Variants in CDH12 observed in about 807,000 individuals in gnomAD.
CDH12 encodes cadherin 12.
Under a neutral mutation model 74.1 loss-of-function variants are expected in CDH12, and 41 were observed. That is an observed-to-expected ratio of 0.55 (90% confidence interval 0.43 to 0.72). The LOEUF is 0.72. CDH12 is among the 30% of genes least tolerant of loss of function. The probability of loss-of-function intolerance (pLI) is 0.00; values close to 1 mark genes in which losing one functional copy is unlikely to be tolerated. For missense variants in CDH12, 945 were observed against 977.2 expected, an observed-to-expected ratio of 0.97 and a Z score of 0.44; for synonymous variants, 399 against 355.0, an observed-to-expected ratio of 1.12 and a Z score of -1.39.
At position 22,171,403 on chromosome 5, in the gene CDH12, A is replaced by G. The variant is rs1749021700; in HGVS notation, c.-187+41095T>C. On this transcript the variant is annotated intron_variant, in intron 4 of 14. Transcript: ENST00000382254. Reference sequence around the variant, plus strand: ...TGTAATACCAGTGACTGACTGCTCCATAGTTATGAGGAAAATTACTTCCTC... The same window carrying G: ...TGTAATACCAGTGACTGACTGCTCCGTAGTTATGAGGAAAATTACTTCCTC... 2.6e-5 allele frequency among the ~76,000 whole-genome samples: 4 copies of G among 152,068 alleles called. No individual in the cohort carries two copies. The South Asian group carries it at 8.3e-4, about 31-fold the overall frequency.
At chr5:22,173,168 T>C (rs1044753587) in intron 4 of CDH12, among the ~76,000 whole-genome samples, 2 of 150,602 alleles carry the variant, frequency 1.3e-5, no homozygotes, top group Non-Finnish European at 3.0e-5. Flanking sequence ...GTAGTGGTGG[T>C]GGCCTGTGTG....
intron 6 of CDH12, among the ~76,000 whole-genome samples, chr5:21,907,971 T>A (rs921481039): frequency 1.3e-5 from 2 of 152,194 alleles, no homozygotes; most frequent in Non-Finnish European, 2.9e-5. Flanking sequence ...TTGCAACTGA[T>A]CCAGCTATGT....
chr5:21,994,719 T>G (rs1043167061), intron 5 of CDH12, among the ~76,000 whole-genome samples: 1 of 152,188 alleles, frequency 6.6e-6, no homozygotes, highest in Non-Finnish European at 1.5e-5. Flanking sequence ...CCGGCTGGGC[T>G]TCTGGTCTGG....
intron 4 of CDH12, among the ~76,000 whole-genome samples, chr5:22,168,440 C>T (rs1189048293): frequency 4.6e-5 from 7 of 152,026 alleles, no homozygotes; most frequent in African/African-American, 1.4e-4. Flanking sequence ...TGTCAGAAAT[C>T]TTCGACGGAC....
intron 2 of CDH12, among the ~76,000 whole-genome samples, chr5:22,446,333 A>C (rs962317937): frequency 5.3e-5 from 8 of 152,104 alleles, no homozygotes; most frequent in Non-Finnish European, 8.8e-5. Flanking sequence ...CTTTTAGTAG[A>C]TGACGTGCCA....
In CDH12 at chr5:22,065,972, AG is replaced by A. The variant is rs201130382; in HGVS notation, c.231+12473del. 5.9e-3 allele frequency among the ~76,000 whole-genome samples: 893 copies of A among 152,222 alleles called. 8 individuals are homozygous for A. Among genetic ancestry groups the A allele is most frequent in the African/African-American group, 0.02 (839 of 41,556 alleles). On this transcript the variant is annotated intron_variant, in intron 5 of 14. Transcript: ENST00000382254. The stretch of plus-strand genomic sequence containing the variant: ...TATTATTTGATCTGTACAAACAGAA[AG>A]GTTCTAGGTCAGGTACACAAAGTCT...
chr5:22,606,420 C>T (rs989467269), intron 1 of CDH12, among the ~76,000 whole-genome samples: 2 of 152,150 alleles, frequency 1.3e-5, no homozygotes, highest in South Asian at 2.1e-4. Context: ...ATAATCCCCA[C>T]ATGTCAAGGG....
chr5:22,842,710 A>T (rs535625365), intron 1 of CDH12, among the ~76,000 whole-genome samples: 36 of 152,130 alleles, frequency 2.4e-4, no homozygotes, highest in Admixed American at 5.2e-4. Context: ...TCAATATGAG[A>T]TCAGTTAATA....
rs1554039689 is a variant in CDH12 at position 21,872,900 on chromosome 5, T to TCTATCTATCTATCTAC, written c.527-18111_527-18110insGTAGATAGATAGATAG. The stretch of plus-strand genomic sequence containing the variant: ...CAATCACCTACCTATCATCCATCTA[T>TCTATCTATCTATCTAC]CTATCTATCTATCTATCTATCATCT... On this transcript the variant is annotated intron_variant, in intron 6 of 14. Transcript: ENST00000382254. Among the ~76,000 whole-genome samples, 85 of 151,604 alleles carry TCTATCTATCTATCTAC rather than the reference T, an allele frequency of 5.6e-4. 1 individual carries two copies. The highest frequency in any genetic ancestry group is 1.0e-3 in the Non-Finnish European group (70 of 67,948).
rs529130836 is a variant in CDH12, at chr5:22,245,642, CAT to C, written c.-332-33001_-332-33000del. ...ATGTGATATACATAAATCTGTAGTT[CAT>C]ATATATATATGATATACATATATCA... On this transcript the variant is annotated intron_variant, in intron 3 of 14. Coordinates refer to ENST00000382254, the MANE Select transcript of CDH12 (RefSeq NM_004061.5). 3.7e-3 allele frequency among the ~76,000 whole-genome samples: 550 copies of C among 150,606 alleles called. 6 individuals carry two copies. Among genetic ancestry groups the C allele is most frequent in the African/African-American group, 0.012 (508 of 41,054 alleles).
intron 6 of CDH12, among the ~76,000 whole-genome samples, chr5:21,960,034 C>A (rs1020654748): frequency 1.4e-4 from 22 of 151,772 alleles, no homozygotes; most frequent in African/African-American, 5.3e-4. Flanking sequence ...ACAGGAACAC[C>A]CAGATTCATA....
At chr5:22,794,486 T>C (rs996145117) in intron 1 of CDH12, among the ~76,000 whole-genome samples, 2 of 152,192 alleles carry the variant, frequency 1.3e-5, no homozygotes, top group Non-Finnish European at 2.9e-5. Context: ...GTCAAATATG[T>C]CATCTGTACG....
intron 8 of CDH12, among the ~76,000 whole-genome samples, chr5:21,838,516 T>G (rs1300084606): frequency 2.0e-5 from 3 of 152,080 alleles, no homozygotes; most frequent in Non-Finnish European, 2.9e-5. Flanking sequence ...GCCGAGATCA[T>G]GCCATTGCAC....
chr5:22,278,534 T>G (rs2150405018), intron 3 of CDH12, among the ~76,000 whole-genome samples: 2 of 152,224 alleles, frequency 1.3e-5, no homozygotes, highest in African/African-American at 4.8e-5. Context: ...ATTTTAGAAT[T>G]TTCCCAGCCC....
intron 5 of CDH12, among the ~76,000 whole-genome samples, chr5:22,067,796 T>C (rs1741671380): frequency 6.6e-6 from 1 of 151,994 alleles, no homozygotes; most frequent in Non-Finnish European, 1.5e-5. Context: ...CTGACCAACA[T>C]GGAGAAAGCC....
At chr5:22,783,629 T>C (rs1442415560) in intron 1 of CDH12, among the ~76,000 whole-genome samples, 1 of 152,150 alleles carries the variant, frequency 6.6e-6, no homozygotes, top group Non-Finnish European at 1.5e-5. Flanking sequence ...TAACATATGA[T>C]GCTGTTGGAC....
chr5:22,839,646 A>G (rs145805631), intron 1 of CDH12, among the ~76,000 whole-genome samples: 38 of 152,152 alleles, frequency 2.5e-4, no homozygotes, highest in African/African-American at 9.2e-4. Flanking sequence ...GTCAGCCACC[A>G]TGCCCAGCCA....
chr5:21,888,313 T>C (rs1321663433), intron 6 of CDH12, among the ~76,000 whole-genome samples: 1 of 152,148 alleles, frequency 6.6e-6, no homozygotes, highest in Non-Finnish European at 1.5e-5. Flanking sequence ...TTTTCAGACT[T>C]TAAAAAGATG....
At position 22,488,143 on chromosome 5, in the gene CDH12, C is replaced by T. The variant is rs1279783090; in HGVS notation, c.-428+17127G>A. On this transcript the variant is annotated intron_variant, in intron 2 of 14. Transcript: ENST00000382254. ...CAGTTTAACATGATTTGACACACCT[C>T]ATACAGAAAAGTCCTGAAACTGACA... 2.6e-5 allele frequency among the ~76,000 whole-genome samples: 4 copies of T among 152,174 alleles called. No individual in the cohort carries two copies. The South Asian group carries it at 8.3e-4, about 32-fold the overall frequency.
Sources: allele counts gnomAD v4.1 joint callset (sites outside exome capture counted in the v4.1 genomes callset), GRCh38; gene constraint gnomAD v4.1.1; transcripts MANE v1.5; gene names NCBI Gene and HGNC (gene_info 2026-07-23, HGNC 2026-07-21).